IL1R2: variants seen among roughly 807,000 people sequenced by gnomAD.
IL1R2 encodes the protein interleukin 1 receptor type 2.
In IL1R2, 46 loss-of-function variants were observed where a neutral mutation model predicts 39.5. That is an observed-to-expected ratio of 1.16 (90% CI 0.92 to 1.49). The LOEUF (loss-of-function observed/expected upper bound fraction) is 1.49. Ranked by LOEUF, IL1R2 falls within the 40% of genes most tolerant of loss-of-function variation. IL1R2 has a pLI of 0.00. For synonymous variants in IL1R2, 207 were observed against 189.6 expected, an observed-to-expected ratio of 1.09 and a Z score of -0.75; for missense variants, 537 against 502.0, an observed-to-expected ratio of 1.07 and a Z score of -0.67.
intron 1 of IL1R2, among the ~76,000 whole-genome samples, chr2:101,994,618 C>A (rs2150416201): frequency 6.6e-6 from 1 of 152,326 alleles, no homozygotes; most frequent in East Asian, 1.9e-4. Flanking sequence ...GGGGACCACA[C>A]TTTGAGAACC....
intron 7 of IL1R2, 77 bp downstream of exon 7, chr2:102,024,745 C>T: frequency 4.6e-6 from 7 of 1,527,632 alleles, no homozygotes; most frequent in Non-Finnish European, 6.2e-6. Flanking sequence ...CACTATGACC[C>T]ACATACCACA....
At chr2:102,013,716 T>C (rs1676812081) in intron 3 of IL1R2, among the ~76,000 whole-genome samples, 1 of 152,048 alleles carries the variant, frequency 6.6e-6, no homozygotes, top group Non-Finnish European at 1.5e-5. Context: ...ATTGTGGGTT[T>C]GCAGACAGTT....
chr2:102,005,391 C>G lies in IL1R2; in HGVS notation c.-61-3124C>G, dbSNP rs77141156. The stretch of plus-strand genomic sequence containing the variant: ...CAATGCCTGACAGTACCTGGCAGGG[C>G]TCCTTCCCCTGGGATCTTTTTATAA... On this transcript the variant is annotated intron_variant, in intron 1 of 8. Coordinates refer to ENST00000332549, the MANE Select transcript of IL1R2 (RefSeq NM_004633.4). 9.8e-3 allele frequency among the ~76,000 whole-genome samples: 1,499 copies of G among 152,286 alleles called. 6 individuals carry two copies. Among genetic ancestry groups the G allele is most frequent in the Non-Finnish European group, 0.018 (1,212 of 68,034 alleles).
intron 3 of IL1R2, 34 bp downstream of exon 3, chr2:102,009,860 C>A (rs1389927894): frequency 6.2e-7 from 1 of 1,606,630 alleles, no homozygotes; most frequent in East Asian, 2.2e-5. Flanking sequence ...GGGAGGGGAT[C>A]CTGGCAGGAT....
At chr2:102,027,200 C>T (rs1446640458) in intron 8 of IL1R2, among the ~76,000 whole-genome samples, 1 of 152,200 alleles carries the variant, frequency 6.6e-6, no homozygotes, top group African/African-American at 2.4e-5. Flanking sequence ...ACAAAAAGCT[C>T]CTTTCACAGT....
intron 6 of IL1R2, among the ~76,000 whole-genome samples, chr2:102,023,873 C>T (rs551437974): frequency 4.0e-5 from 6 of 151,702 alleles, no homozygotes; most frequent in Admixed American, 3.9e-4. Context: ...CGGTGAAACC[C>T]CATCTCTACT....
At chr2:102,005,819 A>G (rs1450189397) in intron 1 of IL1R2, among the ~76,000 whole-genome samples, 1 of 152,234 alleles carries the variant, frequency 6.6e-6, no homozygotes, top group Non-Finnish European at 1.5e-5. Context: ...GGGAGGACAG[A>G]TATTGGGAGA....
chr2:102,024,619 C>G lies in IL1R2; in HGVS notation c.838C>G (p.His280Asp). ...GCTGTGGTGGACGGCCAATGACACC[C>G]ACATAGAGAGCGCCTACCCGGGAGG... is the stretch of plus-strand genomic sequence containing the variant. ...TMLWWTANDTHIESAYPGGRV... is the reference protein window; with the variant it reads ...TMLWWTANDTDIESAYPGGRV... The change falls in exon 7 of 9, where the codon CAC becomes GAC. Residue 280 changes from histidine to aspartate, a missense_variant. Transcript: ENST00000332549. The G allele has an allele frequency of 6.2e-7, 1 of 1,614,086 alleles. No homozygotes were observed. The highest frequency in any genetic ancestry group is 8.5e-7 in the Non-Finnish European group (1 of 1,179,986).
intron 1 of IL1R2, among the ~76,000 whole-genome samples, chr2:102,001,302 C>T (rs112232942): frequency 6.6e-6 from 1 of 152,200 alleles, no homozygotes; most frequent in African/African-American, 2.4e-5. Flanking sequence ...ATAAAGAGAG[C>T]GCCTATGCCT....
intron 5 of IL1R2, among the ~76,000 whole-genome samples, chr2:102,020,293 T>C (rs1677295443): frequency 6.6e-6 from 1 of 152,236 alleles, no homozygotes; most frequent in African/African-American, 2.4e-5. Flanking sequence ...CTGCCCTTAA[T>C]AGCAATATTT....
At chr2:102,016,230 A>T (rs1006519875) in intron 4 of IL1R2, 179 bp downstream of exon 4, 8 of 532,568 alleles carry the variant, frequency 1.5e-5, no homozygotes, top group African/African-American at 5.7e-5. Flanking sequence ...CCAACCTGGG[A>T]TTGAAAATAT....
rs189550863 is a variant in IL1R2 at position 102,017,353 on chromosome 2, C to T, written c.513+1302C>T. Among the ~76,000 whole-genome samples the T allele has an allele frequency of 2.2e-3, 317 of 146,060 alleles. 2 individuals carry two copies. Among genetic ancestry groups the T allele is most frequent in the Non-Finnish European group, 3.5e-3 (238 of 67,368 alleles). ...TGGAGGTTGCAGTGAGCCAAGATCA[C>T]GCCATTGCACTCCAGCCTGGGAAAC... On this transcript the variant is annotated intron_variant, in intron 4 of 8. Transcript: ENST00000332549.
At chr2:102,003,988 GGTCTATGTCTAT>G (rs58345449) in intron 1 of IL1R2, among the ~76,000 whole-genome samples, 3,566 of 140,514 alleles carry the variant, frequency 0.025, 72 homozygotes, top group Middle Eastern at 0.077. Context: ...TCTCGGTCTG[GGTCTATGTCTAT>G]GTCTATGTCT....
chr2:101,994,330 C>G lies in IL1R2; in HGVS notation c.-62+2319C>G, dbSNP rs569704219. Among the ~76,000 whole-genome samples, 7 of 152,268 alleles carry G rather than the reference C, an allele frequency of 4.6e-5. No individual in the cohort carries two copies. The East Asian group carries it at 1.4e-3, about 29-fold the overall frequency. On this transcript the variant is annotated intron_variant, in intron 1 of 8. Transcript: ENST00000332549. ...TCCACGGACCCCGAGCCCCCCTCCC[C>G]TCCCCCTGGAGAGCAGAGTTGGCCT...
intron 5 of IL1R2, among the ~76,000 whole-genome samples, chr2:102,020,439 C>A (rs1047570375): frequency 2.0e-5 from 3 of 152,194 alleles, no homozygotes; most frequent in Non-Finnish European, 4.4e-5. Flanking sequence ...ACAGGTGTAA[C>A]CATGTGTAAA....
rs974497758 is a variant in IL1R2 at position 102,012,500 on chromosome 2, TG to T, written c.332+2680del. On this transcript the variant is annotated intron_variant, in intron 3 of 8. Transcript: ENST00000332549. Reference sequence around the variant, plus strand: ...CTGGGTGTGTGTGTGGCAGGGTATGTGGGGGGTGGGAGGAGATATGAGGTAG... The same window carrying T: ...CTGGGTGTGTGTGTGGCAGGGTATGTGGGGGTGGGAGGAGATATGAGGTAG... 1.2e-4 allele frequency among the ~76,000 whole-genome samples: 18 copies of T among 151,842 alleles called. No homozygotes were observed. The South Asian group carries it at 1.7e-3, about 14-fold the overall frequency.
chr2:102,020,280 T>C (rs1035175607), intron 5 of IL1R2, among the ~76,000 whole-genome samples: 1 of 152,256 alleles, frequency 6.6e-6, no homozygotes, highest in South Asian at 2.1e-4. Flanking sequence ...AAGGTGGGTC[T>C]AGCTGCCCTT....
chr2:102,021,758 C>T lies in IL1R2; in HGVS notation c.689-429C>T, dbSNP rs1023689737. Among the ~76,000 whole-genome samples the T allele has an allele frequency of 3.3e-5, 5 of 152,220 alleles. No individual in the cohort carries two copies. In the South Asian group the frequency reaches 8.3e-4, roughly 25 times the overall value. On this transcript the variant is annotated intron_variant, in intron 5 of 8. Coordinates refer to ENST00000332549, the MANE Select transcript of IL1R2 (RefSeq NM_004633.4). ...AAATAGGTGTTTCTTGAGCCCTGTG[C>T]CTTTTCTAGAAGAACTGAGTCTTGA...
intron 1 of IL1R2, among the ~76,000 whole-genome samples, chr2:102,002,438 C>G (rs1267168459): frequency 9.7e-6 from 1 of 102,996 alleles, no homozygotes; most frequent in East Asian, 2.8e-4. Flanking sequence ...GACTTTGTCC[C>G]CTATCTGTGT....
Sources: allele counts gnomAD v4.1 joint callset (sites outside exome capture counted in the v4.1 genomes callset), GRCh38; gene constraint gnomAD v4.1.1; transcripts MANE v1.5; gene names NCBI Gene and HGNC (gene_info 2026-07-23, HGNC 2026-07-21).